Variants in NUP210L observed in about 807,000 individuals in gnomAD.
NUP210L encodes the protein nucleoporin 210 like.
In NUP210L, 74 loss-of-function variants were observed where a neutral mutation model predicts 208.5. That is an observed-to-expected ratio of 0.35 (90% CI 0.29 to 0.43). The LOEUF (loss-of-function observed/expected upper bound fraction) is 0.43. Ranked by LOEUF, NUP210L falls within the 20% of genes least tolerant of loss-of-function variation. The pLI is 1.00. For synonymous variants in NUP210L, 780 were observed against 816.9 expected (o/e 0.95, Z 0.77); for missense variants, 1,843 against 2,289.4 (o/e 0.81, Z 3.98).
chr1:154,133,762 G>C (rs761997255), intron 7 of NUP210L, among the ~76,000 whole-genome samples: 1 of 151,830 alleles, frequency 6.6e-6, no homozygotes, highest in African/African-American at 2.4e-5. Flanking sequence ...GATCACTTGA[G>C]CCTGGAGTTT....
intron 3 of NUP210L, among the ~76,000 whole-genome samples, chr1:154,142,701 G>T (rs1658915672): frequency 1.3e-5 from 2 of 150,998 alleles, no homozygotes; most frequent in Non-Finnish European, 3.0e-5. Context: ...GACCAGCCTG[G>T]TCAACATGGT....
rs184922395 is a variant in NUP210L at position 154,090,630 on chromosome 1, G to A, written c.2188-1036C>T. ...GTTCAACACCAGCCTGGCCGATATGGTGAAACCCCGTCTCTACTAAAAACA... is the reference window on the plus strand; with the variant it reads ...GTTCAACACCAGCCTGGCCGATATGATGAAACCCCGTCTCTACTAAAAACA... On this transcript the variant is annotated intron_variant, in intron 15 of 39. Transcript: ENST00000368559. 5.5e-4 allele frequency among the ~76,000 whole-genome samples: 83 copies of A among 152,198 alleles called. 1 individual carries two copies. Among genetic ancestry groups the A allele is most frequent in the African/African-American group, 1.9e-3 (80 of 41,520 alleles).
intron 17 of NUP210L, among the ~76,000 whole-genome samples, chr1:154,067,203 T>A (rs1347793796): frequency 6.6e-6 from 1 of 152,126 alleles, no homozygotes; most frequent in African/African-American, 2.4e-5. Context: ...AATAAAATAC[T>A]GGCAAACCGA....
chr1:153,994,080 G>C (rs945415908), intron 38 of NUP210L, among the ~76,000 whole-genome samples: 2 of 151,980 alleles, frequency 1.3e-5, no homozygotes, highest in South Asian at 4.1e-4. Context: ...GAGTCTCTCT[G>C]TGTTGCCCAG....
At chr1:154,061,105 C>T (rs776585609) in intron 18 of NUP210L, 59 bp from the exon 19 acceptor site, 38 of 1,216,780 alleles carry the variant, frequency 3.1e-5, no homozygotes, top group African/African-American at 2.7e-4. Context: ...TGGCCGCCCA[C>T]GGTGGCTTAC....
At chr1:154,052,093 C>G (rs1188896080) in intron 25 of NUP210L, among the ~76,000 whole-genome samples, 1 of 152,328 alleles carries the variant, frequency 6.6e-6, no homozygotes, top group South Asian at 2.1e-4. Context: ...TTGAGCCTGC[C>G]TAAAGGCCAG....
intron 35 of NUP210L, among the ~76,000 whole-genome samples, chr1:154,006,164 T>C (rs1210628633): frequency 6.6e-6 from 1 of 152,106 alleles, no homozygotes; most frequent in Admixed American, 6.6e-5. Flanking sequence ...GGCCAAAAAC[T>C]GCCTTCATTT....
chr1:154,082,549 A>G (rs539477880), intron 16 of NUP210L, among the ~76,000 whole-genome samples: 2 of 152,292 alleles, frequency 1.3e-5, no homozygotes, highest in African/African-American at 4.8e-5. Context: ...TCCACGCCCC[A>G]TCCCTATATC....
chr1:154,118,898 T>G, intron 10 of NUP210L, 90 bp from the exon 11 acceptor site: 1 of 667,112 alleles, frequency 1.5e-6, no homozygotes, highest in Admixed American at 2.7e-5. Context: ...AGCAAAATGG[T>G]ATGCTCATAA....
intron 37 of NUP210L, among the ~76,000 whole-genome samples, chr1:153,998,963 T>C (rs1195121899): frequency 1.3e-5 from 2 of 151,954 alleles, no homozygotes; most frequent in East Asian, 1.9e-4. Context: ...TGATCCTCCA[T>C]CTTAGCCTCC....
At chr1:154,086,816 TAA>T (rs545109848) in intron 16 of NUP210L, among the ~76,000 whole-genome samples, 2 of 143,686 alleles carry the variant, frequency 1.4e-5, no homozygotes, top group Admixed American at 7.0e-5. Context: ...CCCTGTGTCT[TAA>T]AAAAAAAAAA....
At chr1:154,111,679 G>A (rs1194756854) in intron 12 of NUP210L, among the ~76,000 whole-genome samples, 1 of 151,448 alleles carries the variant, frequency 6.6e-6, no homozygotes, top group Non-Finnish European at 1.5e-5. Context: ...AGGACTTGAT[G>A]GATTCATGGC....
chr1:154,023,758 G>A (rs1481290294), intron 30 of NUP210L, among the ~76,000 whole-genome samples: 9 of 151,704 alleles, frequency 5.9e-5, no homozygotes, highest in South Asian at 4.2e-4. Context: ...AATTATAGGC[G>A]TGAGCCACTG....
intron 27 of NUP210L, among the ~76,000 whole-genome samples, chr1:154,041,545 G>A (rs1652877683): frequency 1.3e-5 from 2 of 151,828 alleles, no homozygotes. Context: ...TGGCCAGGCT[G>A]GTCTAGAATT....
At chr1:154,079,331 C>A (rs2148027213) in intron 16 of NUP210L, 1 of 151,946 alleles carries the variant, frequency 6.6e-6, no homozygotes, top group Admixed American at 6.6e-5. Flanking sequence ...GCTATATTGC[C>A]CAGGCTAGGA....
At chr1:154,104,263 G>T in intron 12 of NUP210L, 53 bp from the exon 13 acceptor site, 1 of 1,512,886 alleles carries the variant, frequency 6.6e-7, no homozygotes, top group South Asian at 1.1e-5. Flanking sequence ...AAAAGTCTTA[G>T]GAGGAGGAGA....
intron 17 of NUP210L, among the ~76,000 whole-genome samples, chr1:154,062,567 CTTTTTTTTTTTTTTTT>C (rs34499821): frequency 6.7e-5 from 5 of 74,974 alleles, no homozygotes. Flanking sequence ...TTTCTTTTTC[CTTTTTTTTTTTTTTTT>C]TTTTTTTGTG....
exon 27 of NUP210L, chr1:154,046,116 A>G: frequency 6.2e-7 from 1 of 1,614,064 alleles, no homozygotes; most frequent in Non-Finnish European, 8.5e-7. Context: ...TTGCTCATAG[A>G]CCAGTGGAAT....
intron 27 of NUP210L, among the ~76,000 whole-genome samples, chr1:154,037,823 G>A (rs961007365): frequency 2.0e-5 from 3 of 152,010 alleles, no homozygotes; most frequent in Non-Finnish European, 4.4e-5. Context: ...TCACCATGTT[G>A]GCAAGGCTTG....
Sources: allele counts gnomAD v4.1 joint callset (sites outside exome capture counted in the v4.1 genomes callset), GRCh38; gene constraint gnomAD v4.1.1; transcripts MANE v1.5; gene names NCBI Gene and HGNC (gene_info 2026-07-23, HGNC 2026-07-21).